TCF12: variants seen among roughly 807,000 people sequenced by gnomAD.
TCF12 encodes DNA-binding protein HTF4.
A neutral mutation model predicts 86.0 loss-of-function variants in TCF12; 45 were observed. The observed-to-expected ratio is 0.52, with a 90% confidence interval of 0.41 to 0.67. The LOEUF (loss-of-function observed/expected upper bound fraction) is 0.67. TCF12 is among the 30% of genes least tolerant of loss of function. The pLI is 0.00. For missense variants in TCF12, 881 were observed against 859.9 expected (o/e 1.02, Z -0.31); for synonymous variants, 330 against 299.6 (o/e 1.10, Z -1.05).
chr15:57,177,222 T>C (rs1197553299), intron 6 of TCF12, among the ~76,000 whole-genome samples: 10 of 152,080 alleles, frequency 6.6e-5, no homozygotes, highest in African/African-American at 2.2e-4. Context: ...ATAAATTGTT[T>C]TGTGGAAAGA....
chr15:57,129,630 G>A (rs1444130895), intron 5 of TCF12, among the ~76,000 whole-genome samples: 2 of 152,172 alleles, frequency 1.3e-5, no homozygotes, highest in African/African-American at 4.8e-5. Flanking sequence ...GAGACTTAGT[G>A]ATTTAATTTC....
At chr15:56,992,367 G>T (rs370090846) in intron 3 of TCF12, among the ~76,000 whole-genome samples, 21 of 152,172 alleles carry the variant, frequency 1.4e-4, no homozygotes, top group African/African-American at 3.4e-4. Flanking sequence ...TTAATTTTTT[G>T]TTGTTGTTGT....
intron 3 of TCF12, among the ~76,000 whole-genome samples, chr15:56,922,962 C>G (rs1308516469): frequency 1.3e-5 from 2 of 151,710 alleles, no homozygotes; most frequent in African/African-American, 4.8e-5. Context: ...ACCTTCTGCC[C>G]TGATTTCAAA....
At chr15:57,099,273 G>T (rs966525776) in intron 5 of TCF12, among the ~76,000 whole-genome samples, 17 of 152,132 alleles carry the variant, frequency 1.1e-4, no homozygotes, top group African/African-American at 4.1e-4. Flanking sequence ...TTTCTACCCA[G>T]TCTGAGAGAG....
chr15:57,259,344 ATTAAT>A (rs1230228210), intron 16 of TCF12, among the ~76,000 whole-genome samples: 4 of 152,212 alleles, frequency 2.6e-5, no homozygotes, highest in Admixed American at 2.6e-4. Flanking sequence ...ATTAATAGTG[ATTAAT>A]TTAAATCATT....
At chr15:57,100,175 A>G (rs1394071372) in intron 5 of TCF12, among the ~76,000 whole-genome samples, 2 of 152,136 alleles carry the variant, frequency 1.3e-5, no homozygotes, top group African/African-American at 2.4e-5. Context: ...CTAACCAGAG[A>G]TGTTCTGAGT....
intron 4 of TCF12, among the ~76,000 whole-genome samples, chr15:57,091,327 C>A (rs2048980286): frequency 6.6e-6 from 1 of 152,058 alleles, no homozygotes; most frequent in African/African-American, 2.4e-5. Flanking sequence ...TTTTTAGGGT[C>A]TGGGGGCAGG....
intron 3 of TCF12, among the ~76,000 whole-genome samples, chr15:57,004,542 G>C (rs2064235938): frequency 6.6e-6 from 1 of 152,120 alleles, no homozygotes; most frequent in African/African-American, 2.4e-5. Flanking sequence ...CTGAGTAGCT[G>C]GGACAACAGG....
At chr15:56,990,243 G>A (rs543627194) in intron 3 of TCF12, among the ~76,000 whole-genome samples, 1 of 134,730 alleles carries the variant, frequency 7.4e-6, no homozygotes, top group Non-Finnish European at 1.5e-5. Context: ...GTGTGTGTCT[G>A]TGTGTGCGTG....
intron 3 of TCF12, among the ~76,000 whole-genome samples, chr15:56,994,637 A>T (rs2063612632): frequency 6.6e-6 from 1 of 152,124 alleles, no homozygotes; most frequent in African/African-American, 2.4e-5. Flanking sequence ...TTTACATCAG[A>T]AACCATGGGA....
chr15:57,002,796 A>G (rs1414963864), intron 3 of TCF12, among the ~76,000 whole-genome samples: 1 of 152,226 alleles, frequency 6.6e-6, no homozygotes, highest in Non-Finnish European at 1.5e-5. Flanking sequence ...GGCGCTTCTC[A>G]TGCTGTACTA....
chr15:57,021,233 C>G (rs2065459321), intron 3 of TCF12, among the ~76,000 whole-genome samples: 1 of 152,148 alleles, frequency 6.6e-6, no homozygotes, highest in South Asian at 2.1e-4. Flanking sequence ...GACATGGGAC[C>G]AAGAACTGGG....
At chr15:56,958,611 G>C (rs1595856894) in intron 3 of TCF12, among the ~76,000 whole-genome samples, 1 of 151,872 alleles carries the variant, frequency 6.6e-6, no homozygotes, top group Non-Finnish European at 1.5e-5. Flanking sequence ...AGACAGTTCT[G>C]TTGGATTGTG....
chr15:57,231,213 C>T lies in TCF12; in HGVS notation c.641C>T (p.Pro214Leu). ...CGTGAATCTCCTAGTTATCCATCTC[C>T]TAAGCCACCAACCAGTATGTTCGCT... Reference protein sequence around the residue: ...FNRESPSYPSPKPPTSMFAST... With the variant: ...FNRESPSYPSLKPPTSMFAST... The change falls in exon 9 of 21, where the codon CCT (proline) becomes CTT (leucine). Residue 214 changes from proline to leucine, a missense_variant. Pro to Leu is a moderately conservative substitution (Grantham distance 98, BLOSUM62 -3). Transcript: ENST00000333725. The T allele has an allele frequency of 1.9e-6, 3 of 1,613,288 alleles. No homozygotes were observed. Among genetic ancestry groups the T allele is most frequent in the South Asian group, 1.1e-5 (1 of 91,070 alleles).
chr15:57,078,640 C>A (rs1360291848), intron 4 of TCF12, among the ~76,000 whole-genome samples: 4 of 151,972 alleles, frequency 2.6e-5, no homozygotes, highest in Non-Finnish European at 5.9e-5. Context: ...TCTTTAATTT[C>A]ATTAATAACT....
At chr15:56,945,800 TG>T (rs558455780) in intron 3 of TCF12, among the ~76,000 whole-genome samples, 2 of 152,220 alleles carry the variant, frequency 1.3e-5, no homozygotes, top group Non-Finnish European at 2.9e-5. Context: ...GTGATTAGGC[TG>T]TGAGGGCTTC....
chr15:57,283,052 T>C (rs2061767874), intron 20 of TCF12, among the ~76,000 whole-genome samples: 1 of 152,222 alleles, frequency 6.6e-6, no homozygotes, highest in Non-Finnish European at 1.5e-5. Context: ...TCACTTGTAT[T>C]TGGATCAATA....
intron 8 of TCF12, among the ~76,000 whole-genome samples, chr15:57,225,288 C>T (rs2058821870): frequency 8.3e-6 from 1 of 119,862 alleles, no homozygotes; most frequent in African/African-American, 3.3e-5. Context: ...GACTGGAGTG[C>T]AGTGGCAATG....
At position 57,047,910 on chromosome 15, in the gene TCF12, T is replaced by G. The variant is rs147237346; in HGVS notation, c.149-15840T>G. 3.8e-4 allele frequency among the ~76,000 whole-genome samples: 58 copies of G among 152,336 alleles called. 1 individual carries two copies. In the East Asian group the frequency reaches 0.011, roughly 28 times the overall value. On this transcript the variant is annotated intron_variant, in intron 3 of 20. Transcript: ENST00000333725. ...GTTGTATGGCATAGCCTTTTGTTCT[T>G]AGACTACAAACCAGTACCCTATGAC...
Sources: gnomAD v4.1 joint callset for allele counts (sites outside exome capture counted in the v4.1 genomes callset) on GRCh38, gnomAD v4.1.1 for gene constraint, MANE v1.5 for transcripts, NCBI Gene and HGNC (gene_info 2026-07-23, HGNC 2026-07-21) for gene names.